SLC25A48: variants seen among roughly 807,000 people sequenced by gnomAD.
SLC25A48 encodes CTC-321K16.1.
SLC25A48 carries 29 observed loss-of-function variants against 32.2 expected under a neutral mutation model. The observed-to-expected ratio is 0.90, with a 90% CI of 0.67 to 1.23. The LOEUF is 1.23. Ranked by LOEUF, SLC25A48 falls within the 50% of genes most tolerant of loss-of-function variation. SLC25A48 has a pLI of 0.00. For synonymous variants in SLC25A48, 164 were observed against 172.3 expected (o/e 0.95, Z 0.38); for missense variants, 399 against 422.7 (o/e 0.94, Z 0.49).
intron 7 of SLC25A48, among the ~76,000 whole-genome samples, chr5:135,886,646 A>ATGTG (rs1446545599): frequency 0.12 from 4,342 of 36,422 alleles, 533 homozygotes; most frequent in Middle Eastern, 0.17. Flanking sequence ...TAAAATATAT[A>ATGTG]TATGTGTGTG....
At chr5:135,695,903 C>G (rs1754255967) in intron 3 of SLC25A48, among the ~76,000 whole-genome samples, 1 of 152,186 alleles carries the variant, frequency 6.6e-6, no homozygotes. Context: ...ATGCAAAAGT[C>G]TCTCCAAAAG....
At chr5:135,691,318 C>G (rs2126958345) in intron 3 of SLC25A48, among the ~76,000 whole-genome samples, 1 of 152,302 alleles carries the variant, frequency 6.6e-6, no homozygotes, top group East Asian at 1.9e-4. Flanking sequence ...AGGAGGAGGG[C>G]TTCTTGCTCA....
In SLC25A48 at chr5:135,692,310, C is replaced by A. The variant is rs555640988; in HGVS notation, c.-521+57354C>A. 4.8e-4 allele frequency among the ~76,000 whole-genome samples: 57 copies of A among 118,986 alleles called. 1 individual carries two copies. Among genetic ancestry groups the A allele is most frequent in the African/African-American group, 1.7e-3 (55 of 31,630 alleles). 78.1% of individuals were successfully genotyped at this position (118,986 alleles called of 152,430 possible). On this transcript the variant is annotated intron_variant, in intron 3 of 10. Transcript: ENST00000646290. The stretch of plus-strand genomic sequence containing the variant: ...CTCCAGCCTGAGTGACAGAGCAAGA[C>A]CCCGTCTCAAAAAAAAAAAAAAAAA...
At chr5:135,824,221 A>G (rs1757965839) in intron 4 of SLC25A48, among the ~76,000 whole-genome samples, 1 of 152,120 alleles carries the variant, frequency 6.6e-6, no homozygotes, top group Non-Finnish European at 1.5e-5. Flanking sequence ...AGAAGCCCTG[A>G]GTGCTTGAGC....
chr5:135,621,449 A>C (rs1752322785), intron 1 of SLC25A48, among the ~76,000 whole-genome samples: 1 of 152,240 alleles, frequency 6.6e-6, no homozygotes, highest in Admixed American at 6.5e-5. Flanking sequence ...AGAATGGTCA[A>C]GAAAATTTTG....
At chr5:135,879,433 G>T (rs1159445940) in intron 6 of SLC25A48, among the ~76,000 whole-genome samples, 1 of 152,016 alleles carries the variant, frequency 6.6e-6, no homozygotes, top group Non-Finnish European at 1.5e-5. Context: ...TGACTCAATG[G>T]CAAAGCCGTG....
upstream of SLC25A48, among the ~76,000 whole-genome samples, chr5:135,833,221 C>T (rs1043094225): frequency 6.6e-6 from 1 of 152,262 alleles, no homozygotes; most frequent in Non-Finnish European, 1.5e-5. Flanking sequence ...TCCTGCTCTG[C>T]TCCAGCTCGT....
At chr5:135,856,624 G>A (rs992785703) in intron 4 of SLC25A48, among the ~76,000 whole-genome samples, 3 of 152,220 alleles carry the variant, frequency 2.0e-5, no homozygotes, top group Admixed American at 1.3e-4. Flanking sequence ...GTGGGGAGAC[G>A]CAGGAAAACA....
At chr5:135,847,463 G>T (rs2126721741) in intron 2 of SLC25A48, among the ~76,000 whole-genome samples, 2 of 152,338 alleles carry the variant, frequency 1.3e-5, no homozygotes, top group South Asian at 4.1e-4. Flanking sequence ...AGATGTGCCT[G>T]TGTCCTCATC....
In SLC25A48 at chr5:135,874,736, C is replaced by T. The variant is rs913945234; in HGVS notation, c.813+582C>T. On this transcript the variant is annotated intron_variant, in intron 6 of 7. Coordinates refer to ENST00000681962, the MANE Select transcript of SLC25A48 (RefSeq NM_001349336.2). ...TACAGCTCAAGAGCTTAACTTAACA[C>T]ACACCCCTTCCCACCACCTGAAAAG... is the stretch of plus-strand genomic sequence containing the variant. The T allele has an allele frequency of 5.7e-6, 4 of 700,486 alleles. No individual in the cohort carries two copies. In the Admixed American group the frequency reaches 6.0e-5, roughly 11 times the overall value. The allele number at this position is 700,486 out of a possible 1,614,324, so 43.4% of individuals were successfully genotyped here. A position where few individuals can be genotyped will look rare whatever the true frequency, so the allele number is the denominator to read the frequency against.
intron 1 of SLC25A48, among the ~76,000 whole-genome samples, chr5:135,590,426 T>A (rs1208708128): frequency 6.6e-6 from 1 of 152,220 alleles, no homozygotes; most frequent in Admixed American, 6.5e-5. Context: ...GAGCTCTGCA[T>A]GGTCCCTGAG....
At chr5:135,863,440 A>G (rs1326127244) in intron 4 of SLC25A48, among the ~76,000 whole-genome samples, 2 of 152,232 alleles carry the variant, frequency 1.3e-5, no homozygotes, top group African/African-American at 4.8e-5. Flanking sequence ...AGTTGAGGTC[A>G]TAACATTAGA....
At chr5:135,669,246 CCT>C (rs1186697641) in intron 3 of SLC25A48, among the ~76,000 whole-genome samples, 5 of 152,186 alleles carry the variant, frequency 3.3e-5, no homozygotes. Flanking sequence ...GAGCATTCAG[CCT>C]CTGTCATGCA....
chr5:135,856,831 CCCAGGCAT>C (rs1305647242), intron 4 of SLC25A48, among the ~76,000 whole-genome samples: 1 of 152,248 alleles, frequency 6.6e-6, no homozygotes, highest in Non-Finnish European at 1.5e-5. Flanking sequence ...AGGCTGAGAA[CCCAGGCAT>C]CCAGGCCCCT....
intron 3 of SLC25A48, among the ~76,000 whole-genome samples, chr5:135,742,896 A>G (rs192944501): frequency 2.9e-5 from 4 of 136,216 alleles, no homozygotes; most frequent in African/African-American, 1.1e-4. Context: ...CTTTGCGTAT[A>G]GTAATGGTCT....
Position 135,834,740 on chromosome 5 carries a change from C to T in SLC25A48, c.-108C>T. On this transcript the variant is annotated 5_prime_UTR_variant, in exon 1 of 8. Coordinates refer to ENST00000681962, the MANE Select transcript of SLC25A48 (RefSeq NM_001349336.2). ...TTTGGAGTAGGACCTGCGGCGTGCTCGAGACTCCGACTTCGGTCTTGCGGC... is the reference window on the plus strand; with the variant it reads ...TTTGGAGTAGGACCTGCGGCGTGCTTGAGACTCCGACTTCGGTCTTGCGGC... 1 of 1,247,466 alleles carries T rather than the reference C, an allele frequency of 8.0e-7. No individual in the cohort carries two copies. The highest frequency in any genetic ancestry group is 1.1e-6 in the Non-Finnish European group (1 of 908,662). The allele number at this position is 1,247,466 out of a possible 1,614,324, so 77.3% of individuals were successfully genotyped here. A position where few individuals can be genotyped will look rare whatever the true frequency, so the allele number is the denominator to read the frequency against.
intron 3 of SLC25A48, among the ~76,000 whole-genome samples, chr5:135,746,073 T>C (rs1755631241): frequency 6.6e-6 from 1 of 152,064 alleles, no homozygotes; most frequent in Admixed American, 6.5e-5. Context: ...CATTTCAAGC[T>C]CCGCCCTCAC....
intron 3 of SLC25A48, among the ~76,000 whole-genome samples, chr5:135,741,970 T>C (rs1247232698): frequency 1.3e-5 from 2 of 152,186 alleles, no homozygotes; most frequent in East Asian, 3.9e-4. Flanking sequence ...CAGAATCCAA[T>C]GAAATGCTTC....
At chr5:135,859,701 G>A (rs561227710) in intron 4 of SLC25A48, among the ~76,000 whole-genome samples, 1 of 152,270 alleles carries the variant, frequency 6.6e-6, no homozygotes, top group Non-Finnish European at 1.5e-5. Flanking sequence ...ATAGAGGTGT[G>A]GAAAATTGTC....
Sources: gnomAD v4.1 joint callset for allele counts (sites outside exome capture counted in the v4.1 genomes callset) on GRCh38, gnomAD v4.1.1 for gene constraint, MANE v1.5 for transcripts, NCBI Gene and HGNC (gene_info 2026-07-23, HGNC 2026-07-21) for gene names.